The following MGAT4A variants were observed in gnomAD, a reference collection of about 807,000 sequenced individuals.
The protein encoded by MGAT4A is alpha-1,3-mannosyl-glycoprotein 4-beta-N-acetylglucosaminyltransferase A.
Under a neutral mutation model 74.1 loss-of-function variants are expected in MGAT4A, and 33 were observed. The observed-to-expected ratio is 0.45, with a 90% confidence interval of 0.34 to 0.60. The LOEUF (loss-of-function observed/expected upper bound fraction) is 0.60. Among genes scored for constraint, MGAT4A ranks in the 20% least tolerant of loss-of-function variants. MGAT4A has a pLI of 0.02. For missense variants in MGAT4A, 479 were observed against 628.3 expected, an observed-to-expected ratio of 0.76 and a Z score of 2.54; for synonymous variants, 198 against 210.4, an observed-to-expected ratio of 0.94 and a Z score of 0.51.
intron 8 of MGAT4A, among the ~76,000 whole-genome samples, chr2:98,648,999 C>T (rs1029101919): frequency 3.3e-5 from 5 of 152,142 alleles, no homozygotes; most frequent in East Asian, 1.9e-4. Context: ...TGTGCCACTG[C>T]GCTCCAGCCT....
intron 2 of MGAT4A, among the ~76,000 whole-genome samples, chr2:98,710,610 C>A (rs1358260929): frequency 6.6e-6 from 1 of 152,084 alleles, no homozygotes; most frequent in Non-Finnish European, 1.5e-5. Flanking sequence ...CAGGCACGCA[C>A]CACCATGCCT....
At position 98,622,857 on chromosome 2, in the gene MGAT4A, A is replaced by G; in HGVS notation, c.*2709T>C. The stretch of plus-strand genomic sequence containing the variant: ...GCAACGACAGCAGGGAGAGGGAGTT[A>G]AGAGAGAGAAAGGGGGCTGGACATG... On this transcript the variant is annotated 3_prime_UTR_variant, in exon 16 of 16. Coordinates refer to ENST00000393487, the MANE Select transcript of MGAT4A (RefSeq NM_012214.3). 5 of 985,832 alleles carry G rather than the reference A, an allele frequency of 5.1e-6. No individual in the cohort carries two copies. Among genetic ancestry groups the G allele is most frequent in the Non-Finnish European group, 6.0e-6 (5 of 830,310 alleles). 61.1% of individuals were successfully genotyped at this position (985,832 alleles called of 1,614,324 possible).
chr2:98,704,741 G>C (rs1702399405), intron 2 of MGAT4A, among the ~76,000 whole-genome samples: 1 of 151,910 alleles, frequency 6.6e-6, no homozygotes, highest in East Asian at 1.9e-4. Flanking sequence ...CTGCACTATA[G>C]CCTGGGCAAC....
intron 2 of MGAT4A, among the ~76,000 whole-genome samples, chr2:98,710,807 T>G (rs1454919399): frequency 6.6e-6 from 1 of 152,244 alleles, no homozygotes; most frequent in Admixed American, 6.5e-5. Context: ...AATACATTTG[T>G]TATTTCCTTC....
chr2:98,697,977 C>T (rs1027782874), intron 2 of MGAT4A, among the ~76,000 whole-genome samples: 1 of 152,190 alleles, frequency 6.6e-6, no homozygotes, highest in Admixed American at 6.5e-5. Flanking sequence ...TTGACTTGAT[C>T]ATTCTAATTG....
intron 8 of MGAT4A, among the ~76,000 whole-genome samples, chr2:98,653,764 T>G (rs1187565143): frequency 6.6e-6 from 1 of 152,134 alleles, no homozygotes; most frequent in African/African-American, 2.4e-5. Context: ...ACATCAATCT[T>G]CCTCAAACAG....
chr2:98,712,320 C>G (rs1189166421), intron 2 of MGAT4A, among the ~76,000 whole-genome samples: 2 of 152,228 alleles, frequency 1.3e-5, no homozygotes. Flanking sequence ...GCTATCATAG[C>G]ACTGTGTTCA....
rs1701082350 is a variant in MGAT4A at position 98,622,941 on chromosome 2, G to A, written c.*2625C>T. ...GGCTGAGGCAGGAGGATTGCTTGAG[G>A]CCAGAGATCGAGGCTGCAGTGAGCT... On this transcript the variant is annotated 3_prime_UTR_variant, in exon 16 of 16. Transcript: ENST00000393487. The A allele has an allele frequency of 3.1e-6, 3 of 982,892 alleles. No individual in the cohort carries two copies. In the African/African-American group the frequency reaches 5.3e-5, roughly 17 times the overall value. The allele number at this position is 982,892 out of a possible 1,614,324, so 60.9% of individuals were successfully genotyped here.
intron 14 of MGAT4A, among the ~76,000 whole-genome samples, chr2:98,634,568 C>A (rs1272837680): frequency 6.6e-6 from 1 of 151,638 alleles, no homozygotes; most frequent in Non-Finnish European, 1.5e-5. Flanking sequence ...CACAGGAAAG[C>A]CACAGCGAGA....
intron 2 of MGAT4A, among the ~76,000 whole-genome samples, chr2:98,683,356 G>A (rs1702088901): frequency 6.6e-6 from 1 of 152,168 alleles, no homozygotes; most frequent in African/African-American, 2.4e-5. Context: ...GTAAGAGAAT[G>A]TCCTGGTTCT....
chr2:98,673,153 C>T (rs536747593), intron 4 of MGAT4A, among the ~76,000 whole-genome samples: 1 of 152,192 alleles, frequency 6.6e-6, no homozygotes, highest in Admixed American at 6.5e-5. Flanking sequence ...GAATCCCAGC[C>T]GCTCCCCTGG....
At chr2:98,694,482 G>C (rs963727537) in intron 2 of MGAT4A, 3 of 154,204 alleles carry the variant, frequency 1.9e-5, no homozygotes, top group African/African-American at 7.2e-5. Context: ...GAAAGTAAAG[G>C]GGGATTACTT....
At position 98,638,201 on chromosome 2, in the gene MGAT4A, T is replaced by C. The variant is rs141185417; in HGVS notation, c.1323-1606A>G. 4.8e-3 allele frequency among the ~76,000 whole-genome samples: 728 copies of C among 152,356 alleles called. 4 individuals carry two copies. Among genetic ancestry groups the C allele is most frequent in the Middle Eastern group, 0.024 (7 of 294 alleles). ...TATCTCACCTCTATTAACAGTTTAA[T>C]AGATTTTTTGCAGATTTGTTCTATG... On this transcript the variant is annotated intron_variant, in intron 12 of 15. Coordinates refer to ENST00000393487, the MANE Select transcript of MGAT4A (RefSeq NM_012214.3).
chr2:98,660,464 T>C (rs1475603113), intron 5 of MGAT4A, among the ~76,000 whole-genome samples: 5 of 117,088 alleles, frequency 4.3e-5, no homozygotes, highest in Admixed American at 1.7e-4. Flanking sequence ...ACACAACAAA[T>C]AGCCAAGGTA....
chr2:98,702,041 G>A (rs1023867868), intron 2 of MGAT4A, among the ~76,000 whole-genome samples: 1 of 152,156 alleles, frequency 6.6e-6, no homozygotes, highest in African/African-American at 2.4e-5. Flanking sequence ...CTGGTCAAGA[G>A]TCAAAAACAA....
intron 8 of MGAT4A, among the ~76,000 whole-genome samples, chr2:98,647,624 C>T (rs1047941254): frequency 7.9e-5 from 12 of 152,092 alleles, no homozygotes; most frequent in African/African-American, 2.4e-4. Context: ...CGGCCCATAA[C>T]GCGCTTTCTT....
Position 98,714,537 on chromosome 2 carries a change from A to G in MGAT4A, c.94+11702T>C, listed in dbSNP as rs1702565995. 2.6e-5 allele frequency among the ~76,000 whole-genome samples: 4 copies of G among 152,326 alleles called. 1 individual carries two copies. The South Asian group carries it at 8.3e-4, about 32-fold the overall frequency. On this transcript the variant is annotated intron_variant, in intron 2 of 15. Coordinates refer to ENST00000393487, the MANE Select transcript of MGAT4A (RefSeq NM_012214.3). ...GTGGAAATAGCTGAGGATGCTATGC[A>G]CGCACACATGTATCCCCTTGCTCTG...
At chr2:98,682,699 G>A (rs1052855149) in intron 2 of MGAT4A, among the ~76,000 whole-genome samples, 2 of 141,686 alleles carry the variant, frequency 1.4e-5, no homozygotes, top group Non-Finnish European at 3.3e-5. Flanking sequence ...GAACCCCAGA[G>A]GACACCCCTC....
At chr2:98,689,808 G>C (rs1275173426) in intron 2 of MGAT4A, among the ~76,000 whole-genome samples, 3 of 152,150 alleles carry the variant, frequency 2.0e-5, no homozygotes, top group African/African-American at 7.2e-5. Context: ...GGGCAACACA[G>C]TGAGACCCTG....
Sources: allele counts gnomAD v4.1 joint callset (sites outside exome capture counted in the v4.1 genomes callset), GRCh38; gene constraint gnomAD v4.1.1; transcripts MANE v1.5; gene names NCBI Gene and HGNC (gene_info 2026-07-23, HGNC 2026-07-21).